AP4E1: variants seen among roughly 807,000 people sequenced by gnomAD.
The protein encoded by AP4E1 is AP-4 complex subunit epsilon-1.
Under a neutral mutation model 128.2 loss-of-function variants are expected in AP4E1, and 56 were observed. The ratio of observed to expected loss-of-function variants is 0.44; its 90% confidence interval spans 0.35 to 0.55. The LOEUF is 0.55. Ranked by LOEUF, AP4E1 falls within the 20% of genes least tolerant of loss-of-function variation. The pLI, the probability that AP4E1 is intolerant of heterozygous loss-of-function variation, is 0.00. For synonymous variants in AP4E1, 484 were observed against 473.1 expected, an observed-to-expected ratio of 1.02 and a Z score of -0.30; for missense variants, 1,324 against 1,307.7, an observed-to-expected ratio of 1.01 and a Z score of -0.19.
chr15:50,949,073 T>A (rs759766859), intron 11 of AP4E1, among the ~76,000 whole-genome samples: 27 of 152,040 alleles, frequency 1.8e-4, no homozygotes, highest in Admixed American at 3.3e-4. Flanking sequence ...TTTGTCCTAG[T>A]CAGTGCTGTA....
In AP4E1 at chr15:51,002,576, G is replaced by A. The variant is rs1344803489; in HGVS notation, c.3328G>A (p.Val1110Ile). ...ACTGCATTGCCGAGTTCATGCAGAT[G>A]TATTAGCCCTGTGGTTCAGATCCTC... is the stretch of plus-strand genomic sequence containing the variant. ...CLLHCRVHAD[V>I]LALWFRSSCS... The change falls in exon 21 of 21, where the codon GTA (valine) becomes ATA (isoleucine). Residue 1110 changes from valine (V) to isoleucine (I), a missense_variant. Coordinates refer to ENST00000261842, the MANE Select transcript of AP4E1 (RefSeq NM_007347.5). 3 of 1,614,068 alleles carry A rather than the reference G, an allele frequency of 1.9e-6. No individual in the cohort carries two copies. Among genetic ancestry groups the A allele is most frequent in the East Asian group, 2.2e-5 (1 of 44,892 alleles).
chr15:50,955,419 T>G (rs2064206508), intron 13 of AP4E1, among the ~76,000 whole-genome samples: 1 of 152,224 alleles, frequency 6.6e-6, no homozygotes, highest in African/African-American at 2.4e-5. Flanking sequence ...GATTAGCATT[T>G]CTCTGATGGC....
chr15:50,946,017 C>T, intron 10 of AP4E1: 2 of 893,812 alleles, frequency 2.2e-6, no homozygotes, highest in Non-Finnish European at 3.7e-6. Context: ...TCCTAACAAT[C>T]CTGATGTACA....
intron 10 of AP4E1, among the ~76,000 whole-genome samples, chr15:50,946,240 C>G (rs2064060093): frequency 6.6e-6 from 1 of 151,996 alleles, no homozygotes; most frequent in African/African-American, 2.4e-5. Flanking sequence ...TCATTTTTTC[C>G]TGTTTTAATT....
intron 3 of AP4E1, among the ~76,000 whole-genome samples, chr15:50,921,402 G>A (rs572597809): frequency 4.6e-5 from 7 of 151,820 alleles, no homozygotes; most frequent in African/African-American, 1.7e-4. Context: ...AGGCTGGAGT[G>A]CAGTGGCGTG....
At chr15:50,945,889 A>G (rs1305180916) in intron 10 of AP4E1, 1 of 1,004,684 alleles carries the variant, frequency 1.0e-6, no homozygotes, top group Non-Finnish European at 1.6e-6. Context: ...ACAGTGCATC[A>G]TGAAAGAAGC....
intron 10 of AP4E1, chr15:50,945,335 A>G: frequency 1.3e-6 from 1 of 780,426 alleles, no homozygotes; most frequent in East Asian, 2.4e-5. Flanking sequence ...GTACTGTACA[A>G]CATGAGGCAA....
intron 1 of AP4E1, among the ~76,000 whole-genome samples, chr15:50,909,451 T>C (rs777215899): frequency 5.3e-5 from 8 of 152,204 alleles, no homozygotes; most frequent in Non-Finnish European, 1.0e-4. Context: ...TTTGGGGAGC[T>C]TGAGGTTCTT....
intron 13 of AP4E1, among the ~76,000 whole-genome samples, chr15:50,954,703 T>C (rs2064192536): frequency 6.6e-6 from 1 of 152,240 alleles, no homozygotes; most frequent in African/African-American, 2.4e-5. Context: ...CTGTGTTTGC[T>C]TGAAAAGTTA....
chr15:50,948,230 A>G, intron 11 of AP4E1, 71 bp downstream of exon 11: 2 of 1,569,592 alleles, frequency 1.3e-6, no homozygotes, highest in Non-Finnish European at 1.7e-6. Context: ...ATTGGTATAG[A>G]TATGGTCACT....
chr15:50,945,591 T>A (rs2064048826), intron 10 of AP4E1: 1 of 748,472 alleles, frequency 1.3e-6, no homozygotes. Flanking sequence ...GTATCTTTCC[T>A]ATAGACAAAA....
chr15:50,982,999 TATA>T (rs1171680858), intron 15 of AP4E1, among the ~76,000 whole-genome samples: 1 of 152,234 alleles, frequency 6.6e-6, no homozygotes, highest in Non-Finnish European at 1.5e-5. Context: ...GGTCCTTTTC[TATA>T]ATCTAGACTG....
chr15:50,992,950 T>G (rs968463942), intron 16 of AP4E1, among the ~76,000 whole-genome samples: 2 of 152,226 alleles, frequency 1.3e-5, no homozygotes, highest in Non-Finnish European at 2.9e-5. Context: ...AGGATTTTAC[T>G]TAATGAATTT....
intron 8 of AP4E1, among the ~76,000 whole-genome samples, chr15:50,936,294 A>G (rs930776927): frequency 1.3e-5 from 2 of 152,244 alleles, no homozygotes; most frequent in African/African-American, 4.8e-5. Context: ...CGATGTAACC[A>G]GTGTCCAGGA....
In AP4E1 at chr15:50,908,767, G is replaced by C. The variant is rs1340627066; in HGVS notation, c.-12G>C. 1 of 1,522,858 alleles carries C rather than the reference G, an allele frequency of 6.6e-7. No individual in the cohort carries two copies. The highest frequency in any genetic ancestry group is 8.8e-7 in the Non-Finnish European group (1 of 1,139,068). The allele number at this position is 1,522,858 out of a possible 1,614,324, so 94.3% of individuals were successfully genotyped here. A position where few individuals can be genotyped will look rare whatever the true frequency, so the allele number is the denominator to read the frequency against. Reference sequence around the variant, plus strand: ...ATCGCGGGCGGCGGCGGCATCGCGGGCGGCGGCGGCGATGAGCGACATAGT... The same window carrying C: ...ATCGCGGGCGGCGGCGGCATCGCGGCCGGCGGCGGCGATGAGCGACATAGT... On this transcript the variant is annotated 5_prime_UTR_variant, in exon 1 of 21. Transcript: ENST00000261842.
chr15:50,913,451 A>G (rs1023475669), intron 2 of AP4E1, among the ~76,000 whole-genome samples: 7 of 152,232 alleles, frequency 4.6e-5, no homozygotes, highest in Non-Finnish European at 7.3e-5. Context: ...GAAATTAGGA[A>G]GGCAGAGTTT....
chr15:50,929,479 C>T (rs1209494711), intron 6 of AP4E1, among the ~76,000 whole-genome samples: 1 of 151,298 alleles, frequency 6.6e-6, no homozygotes, highest in Non-Finnish European at 1.5e-5. Context: ...TTTTATATAA[C>T]TTCATGGGAT....
At chr15:51,000,052 A>G (rs796430106) in intron 19 of AP4E1, among the ~76,000 whole-genome samples, 3 of 151,786 alleles carry the variant, frequency 2.0e-5, no homozygotes, top group Non-Finnish European at 2.9e-5. Flanking sequence ...TGAACCCAGA[A>G]TGCAGAATAC....
At chr15:50,968,012 G>A (rs2064417620) in intron 14 of AP4E1, among the ~76,000 whole-genome samples, 1 of 152,142 alleles carries the variant, frequency 6.6e-6, no homozygotes, top group Non-Finnish European at 1.5e-5. Context: ...TAGAGATGGG[G>A]TTTTGCCATG....
Sources: gnomAD v4.1 joint callset for allele counts (sites outside exome capture counted in the v4.1 genomes callset) on GRCh38, gnomAD v4.1.1 for gene constraint, MANE v1.5 for transcripts, NCBI Gene and HGNC (gene_info 2026-07-23, HGNC 2026-07-21) for gene names.